The following AGTPBP1 variants were observed in gnomAD, a reference collection of about 807,000 sequenced individuals.
The protein encoded by AGTPBP1 is cytosolic carboxypeptidase 1.
Under a neutral mutation model 143.9 loss-of-function variants are expected in AGTPBP1, and 70 were observed. The observed-to-expected ratio is 0.49, with a 90% CI of 0.40 to 0.59. The LOEUF (loss-of-function observed/expected upper bound fraction) is 0.59. Among genes scored for constraint, AGTPBP1 ranks in the 20% least tolerant of loss-of-function variants. The pLI, the probability that AGTPBP1 is intolerant of heterozygous loss-of-function variation, is 0.00. For synonymous variants in AGTPBP1, 463 were observed against 500.2 expected, an observed-to-expected ratio of 0.93 and a Z score of 0.99; for missense variants, 1,229 against 1,464.5, an observed-to-expected ratio of 0.84 and a Z score of 2.62.
chr9:85,682,417 G>A (rs1022388984), intron 3 of AGTPBP1, among the ~76,000 whole-genome samples: 12 of 152,080 alleles, frequency 7.9e-5, no homozygotes, highest in Admixed American at 6.5e-4. Context: ...TCAGAAAGGA[G>A]AATAAATCTG....
upstream of AGTPBP1, among the ~76,000 whole-genome samples, chr9:85,745,536 T>C (rs921780997): frequency 6.6e-6 from 1 of 152,218 alleles, no homozygotes; most frequent in African/African-American, 2.4e-5. Context: ...CAGAACAGAA[T>C]GTAGTACAAA....
At chr9:85,777,303 C>A in the AGTPBP1 span, among the ~76,000 whole-genome samples, 1 of 152,176 alleles carries the variant, frequency 6.6e-6, no homozygotes, top group African/African-American at 2.4e-5. Context: ...TGAGGACAAA[C>A]CTCTGCCCTT....
At chr9:85,759,398 G>C in the AGTPBP1 span, among the ~76,000 whole-genome samples, 10 of 151,274 alleles carry the variant, frequency 6.6e-5, no homozygotes, top group African/African-American at 2.4e-4. Flanking sequence ...AAATGTAAAA[G>C]AACAGAAATT....
intron 20 of AGTPBP1, 144 bp downstream of exon 20, chr9:85,589,384 G>A (rs1487447445): frequency 2.7e-5 from 28 of 1,047,898 alleles, no homozygotes; most frequent in Non-Finnish European, 3.7e-5. Context: ...TGGGCTCATG[G>A]CTAGCTAGAT....
At chr9:85,584,438 A>G (rs978195347) in intron 23 of AGTPBP1, among the ~76,000 whole-genome samples, 1 of 152,138 alleles carries the variant, frequency 6.6e-6, no homozygotes, top group Non-Finnish European at 1.5e-5. Context: ...TTCCACAGAA[A>G]GGCTATTTGT....
chr9:85,781,300 G>A, the AGTPBP1 span: 1 of 1,569,352 alleles, frequency 6.4e-7, no homozygotes, highest in Non-Finnish European at 8.6e-7. Flanking sequence ...AACCAGCCGG[G>A]ATCATAAGAA....
At position 85,741,938 on chromosome 9, in the gene AGTPBP1, T is replaced by TGGAGGCGGCGGAACC; in HGVS notation, c.-212_-198dup. 1 of 1,304,896 alleles carries TGGAGGCGGCGGAACC rather than the reference T, an allele frequency of 7.7e-7. No homozygotes were observed. The highest frequency in any genetic ancestry group is 9.7e-7 in the Non-Finnish European group (1 of 1,030,186). The allele number at this position is 1,304,896 out of a possible 1,614,324, so 80.8% of individuals were successfully genotyped here. ...GCGGCGGCAGCTGCGGCGGCGGCGCTGGAGGCGGCGGAACCTGTCCGCATC... is the reference window on the plus strand; with the variant it reads ...GCGGCGGCAGCTGCGGCGGCGGCGCTGGAGGCGGCGGAACCGGAGGCGGCGGAACCTGTCCGCATC... On this transcript the variant is annotated 5_prime_UTR_variant, in exon 1 of 26. Transcript: ENST00000357081.
intron 8 of AGTPBP1, among the ~76,000 whole-genome samples, chr9:85,666,435 GTTAA>G (rs1834139387): frequency 1.3e-5 from 2 of 152,240 alleles, no homozygotes; most frequent in South Asian, 2.1e-4. Context: ...GAGGTTTTTA[GTTAA>G]TTAGAGGAGA....
At chr9:85,682,585 T>C (rs866542224) in intron 3 of AGTPBP1, among the ~76,000 whole-genome samples, 1 of 152,208 alleles carries the variant, frequency 6.6e-6, no homozygotes, top group Non-Finnish European at 1.5e-5. Flanking sequence ...GTGCCATTTA[T>C]TTCACATTTT....
chr9:85,790,420 C>G, the AGTPBP1 span, among the ~76,000 whole-genome samples: 1 of 152,152 alleles, frequency 6.6e-6, no homozygotes. Flanking sequence ...TGCTGCGATT[C>G]CTTCCATTCC....
At chr9:85,579,370 C>G (rs1828096519) in intron 23 of AGTPBP1, among the ~76,000 whole-genome samples, 1 of 151,930 alleles carries the variant, frequency 6.6e-6, no homozygotes, top group Admixed American at 6.6e-5. Context: ...TTTGAGAAAA[C>G]CATGTCTAAA....
intron 2 of AGTPBP1, among the ~76,000 whole-genome samples, chr9:85,706,748 C>T (rs1038723653): frequency 6.6e-6 from 1 of 151,648 alleles, no homozygotes; most frequent in African/African-American, 2.4e-5. Context: ...TGGTGGCAGG[C>T]GCCTGCAATC....
At chr9:85,737,038 GGAGCTTGCAGT>G (rs1331859865) in intron 1 of AGTPBP1, among the ~76,000 whole-genome samples, 2 of 152,190 alleles carry the variant, frequency 1.3e-5, no homozygotes, top group African/African-American at 4.8e-5. Context: ...GCCAGTAAGC[GGAGCTTGCAGT>G]GAGCAGAGAT....
At chr9:85,799,814 A>G in the AGTPBP1 span, among the ~76,000 whole-genome samples, 1 of 152,146 alleles carries the variant, frequency 6.6e-6, no homozygotes, top group African/African-American at 2.4e-5. Context: ...CAGTGCGCCC[A>G]GTCAAAATTT....
At chr9:85,771,988 T>C in the AGTPBP1 span, among the ~76,000 whole-genome samples, 1 of 145,916 alleles carries the variant, frequency 6.9e-6, no homozygotes, top group Non-Finnish European at 1.5e-5. Context: ...TGCTGTTCTT[T>C]TTTTTTTTTT....
chr9:85,760,831 T>C, the AGTPBP1 span, among the ~76,000 whole-genome samples: 2 of 152,024 alleles, frequency 1.3e-5, no homozygotes, highest in East Asian at 1.9e-4. Context: ...AGTCAAATTG[T>C]CTGTTTGCAG....
chr9:85,571,491 A>G (rs954909488), intron 25 of AGTPBP1, among the ~76,000 whole-genome samples: 2 of 152,242 alleles, frequency 1.3e-5, no homozygotes, highest in African/African-American at 4.8e-5. Flanking sequence ...CATAAGCCCC[A>G]TACATACAAA....
intron 2 of AGTPBP1, among the ~76,000 whole-genome samples, chr9:85,698,381 AT>A (rs1836410317): frequency 6.6e-6 from 1 of 152,148 alleles, no homozygotes; most frequent in African/African-American, 2.4e-5. Flanking sequence ...AAATCAATCT[AT>A]TTTTATTTTC....
At chr9:85,776,348 C>G in the AGTPBP1 span, among the ~76,000 whole-genome samples, 1 of 152,164 alleles carries the variant, frequency 6.6e-6, no homozygotes, top group Admixed American at 6.5e-5. Flanking sequence ...GTATTGATGA[C>G]CACCTTCTTC....
Sources: allele counts gnomAD v4.1 joint callset (sites outside exome capture counted in the v4.1 genomes callset), GRCh38; gene constraint gnomAD v4.1.1; transcripts MANE v1.5; gene names NCBI Gene and HGNC (gene_info 2026-07-23, HGNC 2026-07-21).